Variants in SLC9A9 observed in about 807,000 individuals in gnomAD.
SLC9A9 encodes solute carrier family 9 member A9.
A neutral mutation model predicts 77.8 loss-of-function variants in SLC9A9; 62 were observed. That is an observed-to-expected ratio of 0.80 (90% confidence interval 0.65 to 0.98). The LOEUF (loss-of-function observed/expected upper bound fraction) is 0.98. Ranked by LOEUF, SLC9A9 falls within the 50% of genes least tolerant of loss-of-function variation. SLC9A9 has a pLI of 0.00. For missense variants in SLC9A9, 775 were observed against 774.9 expected, an observed-to-expected ratio of 1.00 and a Z score of 0.00; for synonymous variants, 320 against 283.5, an observed-to-expected ratio of 1.13 and a Z score of -1.29.
At chr3:143,291,933 G>A (rs1559854895) in intron 14 of SLC9A9, among the ~76,000 whole-genome samples, 1 of 152,222 alleles carries the variant, frequency 6.6e-6, no homozygotes, top group Non-Finnish European at 1.5e-5. Flanking sequence ...AAGTCCAGCT[G>A]GAGGGGCTCT....
chr3:143,491,347 T>C (rs1404568), intron 11 of SLC9A9, among the ~76,000 whole-genome samples: 15,817 of 152,182 alleles, frequency 0.1, 1,060 homozygotes, highest in South Asian at 0.23. Context: ...GGCCAGATAG[T>C]AATATTTTAT....
At chr3:143,393,825 C>T (rs1335186960) in intron 12 of SLC9A9, among the ~76,000 whole-genome samples, 1 of 151,984 alleles carries the variant, frequency 6.6e-6, no homozygotes, top group African/African-American at 2.4e-5. Flanking sequence ...ATAAACATCT[C>T]TATGCAAATA....
intron 6 of SLC9A9, among the ~76,000 whole-genome samples, chr3:143,619,022 T>C (rs2038153491): frequency 6.6e-6 from 1 of 152,130 alleles, no homozygotes; most frequent in African/African-American, 2.4e-5. Context: ...GTGAAAATAA[T>C]TTTACAGAAG....
intron 12 of SLC9A9, among the ~76,000 whole-genome samples, chr3:143,403,325 T>C (rs2033904055): frequency 6.6e-6 from 1 of 152,204 alleles, no homozygotes; most frequent in Non-Finnish European, 1.5e-5. Context: ...TATTGTCAAA[T>C]ACATATCTTT....
At chr3:143,618,961 C>A (rs1249629817) in intron 6 of SLC9A9, among the ~76,000 whole-genome samples, 1 of 152,122 alleles carries the variant, frequency 6.6e-6, no homozygotes, top group Admixed American at 6.5e-5. Context: ...AACCATGAAA[C>A]CCTGCATTTT....
intron 6 of SLC9A9, among the ~76,000 whole-genome samples, chr3:143,610,894 C>T (rs1034306577): frequency 4.6e-5 from 7 of 152,170 alleles, no homozygotes; most frequent in Admixed American, 4.6e-4. Flanking sequence ...CTGCTCCAGT[C>T]CCTCTTTCTT....
chr3:143,801,665 G>T (rs1464913840), intron 2 of SLC9A9, among the ~76,000 whole-genome samples: 2 of 152,118 alleles, frequency 1.3e-5, no homozygotes, highest in African/African-American at 4.8e-5. Flanking sequence ...AGCTCCATCA[G>T]GCCTAATCGC....
chr3:143,438,200 A>G (rs2034659107), intron 12 of SLC9A9, among the ~76,000 whole-genome samples: 1 of 152,244 alleles, frequency 6.6e-6, no homozygotes, highest in East Asian at 1.9e-4. Context: ...ATAACAGTTT[A>G]TAGCTAGCAT....
intron 14 of SLC9A9, among the ~76,000 whole-genome samples, chr3:143,348,586 G>A (rs1343965851): frequency 6.6e-6 from 1 of 152,160 alleles, no homozygotes; most frequent in Non-Finnish European, 1.5e-5. Context: ...AACCATGAGT[G>A]AATGTATACT....
At chr3:143,431,675 G>A (rs530020135) in intron 12 of SLC9A9, among the ~76,000 whole-genome samples, 1 of 152,066 alleles carries the variant, frequency 6.6e-6, no homozygotes. Context: ...TAGATATGGG[G>A]TTTTACCGTG....
chr3:143,785,553 G>A lies in SLC9A9; in HGVS notation c.533+9448C>T, dbSNP rs554256758. On this transcript the variant is annotated intron_variant, in intron 4 of 15. Coordinates refer to ENST00000316549, the MANE Select transcript of SLC9A9 (RefSeq NM_173653.4). ...CCAGCTGAGCCCAGCCTAAATTGTT[G>A]AGCCACAGAATTGTGAGCTATTAAA... 9.2e-5 allele frequency among the ~76,000 whole-genome samples: 14 copies of A among 152,322 alleles called. No homozygotes were observed. The East Asian group carries it at 2.5e-3, about 27-fold the overall frequency.
chr3:143,832,043 A>T lies in SLC9A9; in HGVS notation c.354T>A (p.His118Gln). 6.2e-7 allele frequency: 1 copy of T among 1,612,748 alleles called. No individual in the cohort carries two copies. Among genetic ancestry groups the T allele is most frequent in the South Asian group, 1.1e-5 (1 of 91,066 alleles). Reference protein sequence around the residue: ...REISQHNINPHQGNAILEKMT... With the variant: ...REISQHNINPQQGNAILEKMT... ...CCTTTTCAAGTATAGCATTTCCTTG[A>T]TGAGGATTGATGTTGTGCTGACTTA... Residue 118 changes from histidine to glutamine, a missense_variant, in exon 2 of 16, where the codon CAT becomes CAA. Transcript: ENST00000316549.
intron 9 of SLC9A9, among the ~76,000 whole-genome samples, chr3:143,531,072 T>C (rs1448969247): frequency 6.6e-6 from 1 of 152,236 alleles, no homozygotes; most frequent in African/African-American, 2.4e-5. Flanking sequence ...TAAAAACTAA[T>C]GCATGAAAAC....
chr3:143,397,296 C>G lies in SLC9A9; in HGVS notation c.1470-15182G>C, dbSNP rs113806272. On this transcript the variant is annotated intron_variant, in intron 12 of 15. Coordinates refer to ENST00000316549, the MANE Select transcript of SLC9A9 (RefSeq NM_173653.4). Reference sequence around the variant, plus strand: ...TAGGGATTTATCAGAGTCAAATGCACATCCCCAGAAAAGCTATCCTTTCAA... The same window carrying G: ...TAGGGATTTATCAGAGTCAAATGCAGATCCCCAGAAAAGCTATCCTTTCAA... 3.3e-5 allele frequency among the ~76,000 whole-genome samples: 5 copies of G among 152,238 alleles called. No homozygotes were observed. The South Asian group carries it at 6.2e-4, about 19-fold the overall frequency.
At position 143,578,787 on chromosome 3, in the gene SLC9A9, G is replaced by A. The variant is rs551271142; in HGVS notation, c.756-64C>T. On this transcript the variant is annotated intron_variant, in intron 6 of 15. Transcript: ENST00000316549. ...CATCTCATAGCCCAGATAGGATTTCGCACCCACTTTGGGGAGAGGTATCTT... is the reference window on the plus strand; with the variant it reads ...CATCTCATAGCCCAGATAGGATTTCACACCCACTTTGGGGAGAGGTATCTT... 720 of 1,597,188 alleles carry A rather than the reference G, an allele frequency of 4.5e-4. 2 individuals are homozygous for A. The highest frequency in any genetic ancestry group is 5.5e-4 in the Non-Finnish European group (645 of 1,165,784).
At position 143,395,947 on chromosome 3, in the gene SLC9A9, C is replaced by T. The variant is rs539979404; in HGVS notation, c.1470-13833G>A. Among the ~76,000 whole-genome samples the T allele has an allele frequency of 5.7e-4, 87 of 152,294 alleles. 1 individual carries two copies. The highest frequency in any genetic ancestry group is 3.4e-3 in the Middle Eastern group (1 of 294). On this transcript the variant is annotated intron_variant, in intron 12 of 15. Coordinates refer to ENST00000316549, the MANE Select transcript of SLC9A9 (RefSeq NM_173653.4). Reference sequence around the variant, plus strand: ...TGGCGATCATTAAAAAGTCAGGAAACAACAAGTGCTGGAGAGGATGTGGAA... The same window carrying T: ...TGGCGATCATTAAAAAGTCAGGAAATAACAAGTGCTGGAGAGGATGTGGAA...
chr3:143,669,456 G>A (rs1395012849), intron 5 of SLC9A9, among the ~76,000 whole-genome samples: 1 of 152,124 alleles, frequency 6.6e-6, no homozygotes, highest in African/African-American at 2.4e-5. Flanking sequence ...GCTTCAAACG[G>A]TTTTCAGTAT....
intron 2 of SLC9A9, 50 bp downstream of exon 2, chr3:143,831,969 C>T (rs766648096): frequency 6.6e-7 from 1 of 1,505,262 alleles, no homozygotes. Flanking sequence ...AAATATGATA[C>T]AATTATTTAT....
At chr3:143,759,852 G>A (rs1240481145) in intron 4 of SLC9A9, among the ~76,000 whole-genome samples, 1 of 151,942 alleles carries the variant, frequency 6.6e-6, no homozygotes, top group East Asian at 1.9e-4. Flanking sequence ...TTTAGGCTTA[G>A]CATAAAAACA....
Sources: allele counts gnomAD v4.1 joint callset (sites outside exome capture counted in the v4.1 genomes callset), GRCh38; gene constraint gnomAD v4.1.1; transcripts MANE v1.5; gene names NCBI Gene and HGNC (gene_info 2026-07-23, HGNC 2026-07-21).